The following PDE7A variants were observed in gnomAD, a reference collection of about 807,000 sequenced individuals.
The protein encoded by PDE7A is phosphodiesterase 7A.
A neutral mutation model predicts 64.3 loss-of-function variants in PDE7A; 39 were observed. That is an observed-to-expected ratio of 0.61 (90% CI 0.47 to 0.79). The LOEUF (loss-of-function observed/expected upper bound fraction) is 0.79, where lower values mean the gene tolerates loss of function less well. PDE7A is among the 30% of genes least tolerant of loss of function. The pLI is 0.00. For synonymous variants in PDE7A, 203 were observed against 206.8 expected, an observed-to-expected ratio of 0.98 and a Z score of 0.16; for missense variants, 470 against 582.8, an observed-to-expected ratio of 0.81 and a Z score of 1.99.
intron 2 of PDE7A, chr8:65,780,767 G>A (rs892634735): frequency 4.6e-5 from 7 of 152,342 alleles, no homozygotes; most frequent in Admixed American, 1.3e-4. Context: ...CAGCCTCCAA[G>A]TTCATAACCT....
chr8:65,748,295 TTAAGA>T (rs1435517389), intron 3 of PDE7A, among the ~76,000 whole-genome samples: 2 of 152,156 alleles, frequency 1.3e-5, no homozygotes, highest in Admixed American at 6.5e-5. Context: ...AAATATTTAC[TTAAGA>T]TAATTAAGAA....
chr8:65,819,036 C>T (rs1563519506), intron 1 of PDE7A, among the ~76,000 whole-genome samples: 1 of 152,190 alleles, frequency 6.6e-6, no homozygotes, highest in African/African-American at 2.4e-5. Context: ...AAGAGCATAA[C>T]ATTTTTCAAA....
chr8:65,719,621 A>T (rs1806291416), intron 12 of PDE7A, 126 bp from the exon 13 acceptor site: 2 of 656,724 alleles, frequency 3.0e-6, no homozygotes. Context: ...TCTTCAAAAG[A>T]TTCCTGTGTA....
intron 8 of PDE7A, 21 bp from the exon 9 acceptor site, chr8:65,726,987 G>C (rs1291413781): frequency 7.4e-7 from 1 of 1,351,196 alleles, no homozygotes; most frequent in Non-Finnish European, 1.1e-6. Context: ...GGACGTTTCT[G>C]AGTTACTTAA....
intron 1 of PDE7A, among the ~76,000 whole-genome samples, chr8:65,832,009 G>T (rs936718004): frequency 6.6e-6 from 1 of 152,032 alleles, no homozygotes; most frequent in African/African-American, 2.4e-5. Context: ...TTTATTTTTT[G>T]GCACGCATGC....
At chr8:65,830,103 G>T (rs534275176) in intron 1 of PDE7A, among the ~76,000 whole-genome samples, 1 of 151,944 alleles carries the variant, frequency 6.6e-6, no homozygotes, top group South Asian at 2.1e-4. Flanking sequence ...AAAGAAAACC[G>T]TAACTCTCAC....
intron 1 of PDE7A, among the ~76,000 whole-genome samples, chr8:65,800,157 G>A (rs902872863): frequency 3.3e-5 from 5 of 151,156 alleles, no homozygotes; most frequent in Admixed American, 1.3e-4. Flanking sequence ...TCAGAGGCTC[G>A]GACCCCCCAC....
chr8:65,742,675 T>C (rs754333401), intron 5 of PDE7A, among the ~76,000 whole-genome samples: 1 of 152,220 alleles, frequency 6.6e-6, no homozygotes, highest in Non-Finnish European at 1.5e-5. Context: ...TCTCATTATA[T>C]AATATAAGCT....
At chr8:65,767,975 G>A (rs1358841710) in intron 3 of PDE7A, among the ~76,000 whole-genome samples, 2 of 152,116 alleles carry the variant, frequency 1.3e-5, no homozygotes, top group Non-Finnish European at 2.9e-5. Flanking sequence ...TTTGGGGGCT[G>A]GGAGGCAGGT....
chr8:65,767,617 G>A (rs1418569310), intron 3 of PDE7A, among the ~76,000 whole-genome samples: 1 of 152,102 alleles, frequency 6.6e-6, no homozygotes, highest in Non-Finnish European at 1.5e-5. Flanking sequence ...TACCCTGGGG[G>A]AATCTGGGGG....
At chr8:65,759,989 T>C (rs1043294814) in intron 3 of PDE7A, among the ~76,000 whole-genome samples, 23 of 152,226 alleles carry the variant, frequency 1.5e-4, no homozygotes, top group African/African-American at 4.6e-4. Flanking sequence ...CCTATAATCC[T>C]AGCACTTTGG....
intron 11 of PDE7A, among the ~76,000 whole-genome samples, chr8:65,723,965 G>C (rs1333261553): frequency 6.6e-6 from 1 of 152,066 alleles, no homozygotes; most frequent in Non-Finnish European, 1.5e-5. Context: ...CTCCACACAC[G>C]ACAAGGATAA....
chr8:65,809,234 A>C (rs1183721788), intron 1 of PDE7A, among the ~76,000 whole-genome samples: 1 of 152,226 alleles, frequency 6.6e-6, no homozygotes, highest in East Asian at 1.9e-4. Context: ...ATCATATGCC[A>C]CTGCTTCATT....
intron 3 of PDE7A, among the ~76,000 whole-genome samples, chr8:65,775,074 T>C (rs1363294026): frequency 6.6e-6 from 1 of 152,200 alleles, no homozygotes; most frequent in Non-Finnish European, 1.5e-5. Context: ...AGTGTTCAAA[T>C]ATATTTTTGG....
intron 2 of PDE7A, 84 bp downstream of exon 2, chr8:65,782,699 A>G: frequency 1.4e-6 from 1 of 718,580 alleles, no homozygotes; most frequent in Non-Finnish European, 2.4e-6. Flanking sequence ...ATGAAAAGCT[A>G]TCTAATGAAA....
At chr8:65,729,193 G>C (rs1806731698) in intron 7 of PDE7A, among the ~76,000 whole-genome samples, 2 of 152,104 alleles carry the variant, frequency 1.3e-5, no homozygotes, top group South Asian at 4.1e-4. Flanking sequence ...GTGAAGGTCA[G>C]CTTTTACTTG....
At chr8:65,759,934 A>AT (rs1022655626) in intron 3 of PDE7A, among the ~76,000 whole-genome samples, 1 of 151,936 alleles carries the variant, frequency 6.6e-6, no homozygotes, top group Non-Finnish European at 1.5e-5. Flanking sequence ...AGTTAATACT[A>AT]TTTTTTTCAC....
intron 3 of PDE7A, among the ~76,000 whole-genome samples, chr8:65,754,624 C>T (rs1033023152): frequency 7.9e-5 from 12 of 151,150 alleles, no homozygotes; most frequent in Admixed American, 1.3e-4. Flanking sequence ...GCTGAGCCAC[C>T]ATGCCCAGCC....
chr8:65,745,574 A>C, intron 4 of PDE7A, 104 bp from the exon 5 acceptor site: 1 of 654,044 alleles, frequency 1.5e-6, no homozygotes, highest in Non-Finnish European at 2.7e-6. Flanking sequence ...TGATTGATTT[A>C]CTTTAAAAAA....
Sources: gnomAD v4.1 joint callset for allele counts (sites outside exome capture counted in the v4.1 genomes callset) on GRCh38, gnomAD v4.1.1 for gene constraint, MANE v1.5 for transcripts, NCBI Gene and HGNC (gene_info 2026-07-23, HGNC 2026-07-21) for gene names.